The following FREM3 variants were observed in gnomAD, a reference collection of about 807,000 sequenced individuals.
FREM3 encodes the protein FRAS1 related extracellular matrix 3.
A neutral mutation model predicts 129.1 loss-of-function variants in FREM3; 105 were observed. That is an observed-to-expected ratio of 0.81 (90% CI 0.69 to 0.96). The LOEUF (loss-of-function observed/expected upper bound fraction) is 0.96. Among genes scored for constraint, FREM3 ranks in the 40% least tolerant of loss-of-function variants. FREM3 has a pLI of 0.00. For synonymous variants in FREM3, 1,014 were observed against 1,044.9 expected, an observed-to-expected ratio of 0.97 and a Z score of 0.57; for missense variants, 2,593 against 2,666.3, an observed-to-expected ratio of 0.97 and a Z score of 0.61.
chr4:143,663,742 C>G (rs1161254972), intron 2 of FREM3, among the ~76,000 whole-genome samples: 1 of 152,138 alleles, frequency 6.6e-6, no homozygotes, highest in Non-Finnish European at 1.5e-5. Flanking sequence ...TAGATTTGGT[C>G]TTTTCACATA....
At position 143,693,214 on chromosome 4, in the gene FREM3, G is replaced by T; in HGVS notation, c.5186-12C>A. On this transcript the variant is annotated splice_polypyrimidine_tract_variant and intron_variant, in intron 1 of 7. Coordinates refer to ENST00000329798, the MANE Select transcript of FREM3 (RefSeq NM_001168235.2). ...CTCATCAATGTCAGCTAAAAAAAAA[G>T]CAACCATCACACAAAGTCATATTGG... 1 of 1,413,398 alleles carries T rather than the reference G, an allele frequency of 7.1e-7. No individual in the cohort carries two copies. Among genetic ancestry groups the T allele is most frequent in the Non-Finnish European group, 9.5e-7 (1 of 1,056,150 alleles). The allele number at this position is 1,413,398 out of a possible 1,614,324, so 87.6% of individuals were successfully genotyped here. A position where few individuals can be genotyped will look rare whatever the true frequency, so the allele number is the denominator to read the frequency against.
chr4:143,583,166 G>A (rs1043615788), intron 7 of FREM3, among the ~76,000 whole-genome samples: 1 of 152,048 alleles, frequency 6.6e-6, no homozygotes, highest in Non-Finnish European at 1.5e-5. Context: ...ACTGTGCCGG[G>A]CCAATTGCAA....
intron 2 of FREM3, among the ~76,000 whole-genome samples, chr4:143,676,216 G>T (rs1285610482): frequency 1.3e-5 from 2 of 152,064 alleles, no homozygotes; most frequent in Admixed American, 1.3e-4. Context: ...CTTCATCCCT[G>T]GGATGCAAGG....
intron 6 of FREM3, among the ~76,000 whole-genome samples, chr4:143,607,687 C>T (rs1738690162): frequency 6.6e-6 from 1 of 152,172 alleles, no homozygotes; most frequent in African/African-American, 2.4e-5. Context: ...TTCATTTCCA[C>T]ACCAGTCACT....
chr4:143,689,000 T>C (rs897678929), intron 2 of FREM3, among the ~76,000 whole-genome samples: 7 of 152,066 alleles, frequency 4.6e-5, no homozygotes, highest in African/African-American at 1.7e-4. Flanking sequence ...CAAAAGGAAA[T>C]GCAATAAAAG....
At chr4:143,624,985 C>A (rs1459162813) in intron 3 of FREM3, among the ~76,000 whole-genome samples, 2 of 151,936 alleles carry the variant, frequency 1.3e-5, no homozygotes, top group Non-Finnish European at 2.9e-5. Flanking sequence ...ATTTTTCAGG[C>A]AATTAGTGCA....
At position 143,699,597 on chromosome 4, in the gene FREM3, T is replaced by C. The variant is rs1363299953; in HGVS notation, c.1079A>G (p.Gln360Arg). 4.6e-6 allele frequency: 7 copies of C among 1,530,954 alleles called. No homozygotes were observed. The South Asian group carries it at 8.4e-5, about 18-fold the overall frequency. The allele number at this position is 1,530,954 out of a possible 1,614,324, so 94.8% of individuals were successfully genotyped here. A position where few individuals can be genotyped will look rare whatever the true frequency, so the allele number is the denominator to read the frequency against. The change falls in exon 1 of 8, where the codon CAG (glutamine) becomes CGG (arginine). Residue 360 changes from glutamine (Q) to arginine (R), a missense_variant. Transcript: ENST00000329798. This position sits in a 1 kb window ranked among gnomAD's most constrained non-coding sequence, Gnocchi z 4.2. ...PTHPPGHPGQ[Q>R]GYVVSTDDPL... ...GTCGTCGGTGCTGACCACGTAGCCC[T>C]GTTGCCCCGGGTGCCCTGGTGGGTG...
intron 2 of FREM3, among the ~76,000 whole-genome samples, chr4:143,665,744 C>T (rs959244075): frequency 6.6e-6 from 1 of 152,088 alleles, no homozygotes; most frequent in Non-Finnish European, 1.5e-5. Flanking sequence ...ATTGTTTCCC[C>T]TCTGCCTTTT....
At chr4:143,606,157 A>T (rs1738664804) in intron 6 of FREM3, among the ~76,000 whole-genome samples, 1 of 152,170 alleles carries the variant, frequency 6.6e-6, no homozygotes, top group Non-Finnish European at 1.5e-5. Flanking sequence ...TCCACATAGA[A>T]TGAGACGATG....
chr4:143,698,006 GA>G lies in FREM3; in HGVS notation c.2669del (p.Phe890SerfsTer30). 6.5e-7 allele frequency: 1 copy of G among 1,537,444 alleles called. No individual in the cohort carries two copies. The highest frequency in any genetic ancestry group is 2.0e-5 in the Admixed American group (1 of 51,004). ...TCCCGTTAATAACATCAGCTTGCAT[GA>G]AAGATTCCCCTGGGACCATACATCT... ...FKRCMVPGES[F>X]MQADVINGSV... On this transcript the variant is annotated frameshift_variant, in exon 1 of 8. Coordinates refer to ENST00000329798, the MANE Select transcript of FREM3 (RefSeq NM_001168235.2). LOFTEE classifies it high-confidence loss of function.
At position 143,699,454 on chromosome 4, in the gene FREM3, C is replaced by CCTCCAG; in HGVS notation, c.1216_1221dup (p.Leu406_Glu407dup). Reference sequence around the variant, plus strand: ...GAGGCGGCGCCGTCTCCGTCCACCACCTCCAGCTCCAGCTGAAAGAGGCGC... The same window carrying CCTCCAG: ...GAGGCGGCGCCGTCTCCGTCCACCACCTCCAGCTCCAGCTCCAGCTGAAAGAGGCGC... On this transcript the variant is annotated inframe_insertion, in exon 1 of 8. Coordinates refer to ENST00000329798, the MANE Select transcript of FREM3 (RefSeq NM_001168235.2). This position sits in a 1 kb window ranked among gnomAD's most constrained non-coding sequence, Gnocchi z 4.2. The CCTCCAG allele has an allele frequency of 1.3e-6, 2 of 1,537,332 alleles. No individual in the cohort carries two copies. The highest frequency in any genetic ancestry group is 2.4e-5 in the South Asian group (2 of 84,066).
At chr4:143,611,197 G>A in intron 6 of FREM3, 82 bp downstream of exon 6, 1 of 1,373,588 alleles carries the variant, frequency 7.3e-7, no homozygotes, top group Non-Finnish European at 9.7e-7. Flanking sequence ...GATAATTTAA[G>A]CTACATTTGC....
chr4:143,663,272 A>T (rs1739779302), intron 2 of FREM3, among the ~76,000 whole-genome samples: 1 of 152,086 alleles, frequency 6.6e-6, no homozygotes, highest in Non-Finnish European at 1.5e-5. Context: ...CTTTTAGGGC[A>T]GGCCTGGTGG....
chr4:143,692,092 T>C (rs1389202237), intron 2 of FREM3, among the ~76,000 whole-genome samples: 1 of 152,114 alleles, frequency 6.6e-6, no homozygotes, highest in Non-Finnish European at 1.5e-5. Flanking sequence ...TATCTTTAAA[T>C]TAATTTTTTT....
intron 2 of FREM3, among the ~76,000 whole-genome samples, chr4:143,683,393 T>C (rs893320836): frequency 3.3e-5 from 5 of 152,180 alleles, no homozygotes; most frequent in Admixed American, 2.6e-4. Context: ...CCTCCTCTCC[T>C]AAACACACAC....
chr4:143,583,514 C>T (rs142075509), intron 7 of FREM3, among the ~76,000 whole-genome samples: 39 of 152,190 alleles, frequency 2.6e-4, no homozygotes, highest in African/African-American at 8.9e-4. Context: ...TCATCAGACT[C>T]TCCAAGGTTG....
intron 6 of FREM3, among the ~76,000 whole-genome samples, chr4:143,591,225 G>A (rs558192811): frequency 4.2e-4 from 64 of 151,966 alleles, no homozygotes; most frequent in African/African-American, 1.3e-3. Context: ...AGGGTTTTTT[G>A]TGTCTCTATC....
Position 143,624,283 on chromosome 4 carries a change from G to A in FREM3, c.5478C>T (p.Thr1826=). 6.5e-7 allele frequency: 1 copy of A among 1,536,926 alleles called. No individual in the cohort carries two copies. The highest frequency in any genetic ancestry group is 8.7e-7 in the Non-Finnish European group (1 of 1,146,730). ...AKKDKDFKWK[T]NKQIQFNPGQ... is the part of the protein sequence containing the mutation. ...CAGGATTGAACTGGATCTGTTTATT[G>A]GTCTTCCATTTGAAATCTTTGTCTT... The change falls in exon 4 of 8, where the codon ACC becomes ACT. Residue 1826 remains threonine (T), a synonymous_variant. Transcript: ENST00000329798.
intron 3 of FREM3, among the ~76,000 whole-genome samples, chr4:143,626,081 T>C (rs905390027): frequency 6.6e-6 from 1 of 151,950 alleles, no homozygotes; most frequent in Non-Finnish European, 1.5e-5. Context: ...TGGGGTGGAG[T>C]TGGGGTATCA....
Sources: gnomAD v4.1 joint callset for allele counts (sites outside exome capture counted in the v4.1 genomes callset) on GRCh38, gnomAD v4.1.1 for gene constraint, Gnocchi (gnomAD v3.1) non-coding constraint, MANE v1.5 for transcripts, NCBI Gene and HGNC (gene_info 2026-07-23, HGNC 2026-07-21) for gene names.